ROBO1: variants seen among roughly 807,000 people sequenced by gnomAD.
ROBO1 encodes roundabout guidance receptor 1.
A neutral mutation model predicts 195.9 loss-of-function variants in ROBO1; 149 were observed. That is an observed-to-expected ratio of 0.76 (90% CI 0.67 to 0.87). The LOEUF is 0.87. Among genes scored for constraint, ROBO1 ranks in the 40% least tolerant of loss-of-function variants. The probability of loss-of-function intolerance (pLI) is 0.00; values close to 1 mark genes in which losing one functional copy is unlikely to be tolerated. For synonymous variants in ROBO1, 816 were observed against 733.2 expected, an observed-to-expected ratio of 1.11 and a Z score of -1.82; for missense variants, 1,933 against 2,068.3, an observed-to-expected ratio of 0.93 and a Z score of 1.27.
At chr3:79,280,399 G>A (rs1183854526) in intron 2 of ROBO1, among the ~76,000 whole-genome samples, 1 of 151,960 alleles carries the variant, frequency 6.6e-6, no homozygotes, top group Non-Finnish European at 1.5e-5. Flanking sequence ...GAAGGTTTAC[G>A]TTGTATATAC....
At position 79,667,877 on chromosome 3, in the gene ROBO1, C is replaced by A. The variant is rs529298424; in HGVS notation, c.-50-77916G>T. 9.8e-4 allele frequency among the ~76,000 whole-genome samples: 147 copies of A among 150,614 alleles called. 2 individuals carry two copies. The highest frequency in any genetic ancestry group is 9.6e-3 in the Admixed American group (144 of 15,072). On this transcript the variant is annotated intron_variant, in intron 1 of 30. Coordinates refer to ENST00000464233, the MANE Select transcript of ROBO1 (RefSeq NM_002941.4). ...TTTAACAATTACATTCCTCCCCACT[C>A]AAAAAAAAATCTCATTTGGAAACTG...
chr3:79,256,393 T>C (rs1434684224), intron 2 of ROBO1, among the ~76,000 whole-genome samples: 1 of 152,182 alleles, frequency 6.6e-6, no homozygotes, highest in Non-Finnish European at 1.5e-5. Flanking sequence ...CTGACCATGT[T>C]AATCTAGTTG....
chr3:79,413,858 T>A (rs1380831451), intron 2 of ROBO1, among the ~76,000 whole-genome samples: 1 of 152,094 alleles, frequency 6.6e-6, no homozygotes, highest in Non-Finnish European at 1.5e-5. Context: ...ACTGTTTTTA[T>A]GAAATCACAG....
chr3:79,071,515 A>G (rs535725737), intron 3 of ROBO1, among the ~76,000 whole-genome samples: 1 of 151,686 alleles, frequency 6.6e-6, no homozygotes, highest in South Asian at 2.1e-4. Flanking sequence ...TACTCACATA[A>G]TGTTTCATTT....
At chr3:78,890,802 C>T (rs1293162658) in intron 4 of ROBO1, among the ~76,000 whole-genome samples, 1 of 152,112 alleles carries the variant, frequency 6.6e-6, no homozygotes, top group East Asian at 1.9e-4. Context: ...CACTATGTCA[C>T]CCAGACTGGA....
At chr3:79,118,077 T>G (rs954951821) in intron 3 of ROBO1, among the ~76,000 whole-genome samples, 2 of 151,980 alleles carry the variant, frequency 1.3e-5, no homozygotes, top group Admixed American at 6.6e-5. Flanking sequence ...CACTGGAAGG[T>G]GAGCATCATG....
chr3:78,666,939 G>A (rs947682644), intron 14 of ROBO1, among the ~76,000 whole-genome samples: 1 of 151,664 alleles, frequency 6.6e-6, no homozygotes, highest in Non-Finnish European at 1.5e-5. Context: ...TCTGTATGTT[G>A]AGAAAATAAT....
intron 2 of ROBO1, among the ~76,000 whole-genome samples, chr3:79,427,924 GC>G (rs1184008118): frequency 6.6e-6 from 1 of 152,000 alleles, no homozygotes; most frequent in African/African-American, 2.4e-5. Context: ...GGGCAACCAA[GC>G]AAAAATGGAC....
intron 3 of ROBO1, among the ~76,000 whole-genome samples, chr3:79,003,619 A>G (rs952316905): frequency 3.9e-5 from 6 of 152,200 alleles, no homozygotes; most frequent in African/African-American, 1.4e-4. Flanking sequence ...GAAAGCACAC[A>G]AAGAAATTGT....
intron 2 of ROBO1, among the ~76,000 whole-genome samples, chr3:79,144,188 C>T (rs1481901628): frequency 6.6e-6 from 1 of 152,000 alleles, no homozygotes; most frequent in African/African-American, 2.4e-5. Context: ...ATTAAATATA[C>T]ATTTTCATTT....
intron 28 of ROBO1, among the ~76,000 whole-genome samples, chr3:78,607,670 A>G (rs1320900400): frequency 6.6e-6 from 1 of 152,180 alleles, no homozygotes; most frequent in African/African-American, 2.4e-5. Flanking sequence ...AATTGATTTC[A>G]GTATAACACT....
At chr3:78,609,569 TC>T (rs1157871018) in intron 28 of ROBO1, among the ~76,000 whole-genome samples, 2 of 152,170 alleles carry the variant, frequency 1.3e-5, no homozygotes, top group Non-Finnish European at 2.9e-5. Flanking sequence ...TATACAGATT[TC>T]CATATGTGTA....
chr3:78,677,177 T>A (rs1434709558), intron 10 of ROBO1, among the ~76,000 whole-genome samples: 3 of 152,166 alleles, frequency 2.0e-5, no homozygotes, highest in African/African-American at 7.2e-5. Flanking sequence ...AAGGAAGTAC[T>A]AAACGTGGAA....
At chr3:79,326,653 A>T (rs749176884) in intron 2 of ROBO1, among the ~76,000 whole-genome samples, 1 of 152,188 alleles carries the variant, frequency 6.6e-6, no homozygotes, top group Non-Finnish European at 1.5e-5. Context: ...CACAAAAGTA[A>T]TTGTGGTTTT....
At chr3:78,948,769 C>T (rs1408980039) in intron 3 of ROBO1, among the ~76,000 whole-genome samples, 16 of 152,270 alleles carry the variant, frequency 1.1e-4, no homozygotes, top group South Asian at 2.1e-4. Flanking sequence ...AAAACCCCAT[C>T]GTCTCAGCCC....
intron 5 of ROBO1, among the ~76,000 whole-genome samples, chr3:78,736,451 T>C (rs573575559): frequency 6.6e-6 from 1 of 152,176 alleles, no homozygotes; most frequent in Non-Finnish European, 1.5e-5. Context: ...TGTGGGTATT[T>C]GGGTGGGATT....
intron 2 of ROBO1, among the ~76,000 whole-genome samples, chr3:79,585,132 A>T (rs1444226787): frequency 6.7e-6 from 1 of 149,418 alleles, no homozygotes; most frequent in Non-Finnish European, 1.5e-5. Context: ...ATTTTATGGA[A>T]AAAGGGGCCC....
chr3:78,892,393 G>A (rs1046935908), intron 4 of ROBO1, among the ~76,000 whole-genome samples: 1 of 152,162 alleles, frequency 6.6e-6, no homozygotes, highest in African/African-American at 2.4e-5. Flanking sequence ...ACGGACTCTG[G>A]AAGAAATACC....
intron 19 of ROBO1, among the ~76,000 whole-genome samples, chr3:78,648,753 T>C (rs1397307021): frequency 6.6e-6 from 1 of 152,030 alleles, no homozygotes. Flanking sequence ...TAATCTTTAG[T>C]AGAAACAAAC....
Sources: allele counts gnomAD v4.1 joint callset (sites outside exome capture counted in the v4.1 genomes callset), GRCh38; gene constraint gnomAD v4.1.1; transcripts MANE v1.5; gene names NCBI Gene and HGNC (gene_info 2026-07-23, HGNC 2026-07-21).